Variants in SDCCAG8 observed in about 807,000 individuals in gnomAD.
The protein encoded by SDCCAG8 is SHH signaling and ciliogenesis regulator SDCCAG8.
SDCCAG8 carries 74 observed loss-of-function variants against 101.8 expected under a neutral mutation model. The observed-to-expected ratio is 0.73, with a 90% CI of 0.60 to 0.88. The LOEUF is 0.88. Ranked by LOEUF, SDCCAG8 falls within the 40% of genes least tolerant of loss-of-function variation. SDCCAG8 has a pLI of 0.00. For missense variants in SDCCAG8, 787 were observed against 822.6 expected, an observed-to-expected ratio of 0.96 and a Z score of 0.53; for synonymous variants, 281 against 292.9, an observed-to-expected ratio of 0.96 and a Z score of 0.41.
intron 9 of SDCCAG8, among the ~76,000 whole-genome samples, chr1:243,322,300 G>C (rs2073820508): frequency 6.6e-6 from 1 of 152,216 alleles, no homozygotes; most frequent in Non-Finnish European, 1.5e-5. Flanking sequence ...TTTCTAAGTA[G>C]CCCCAGGTGA....
Position 243,458,070 on chromosome 1 carries a change from C to T in SDCCAG8, c.1986-30944C>T, listed in dbSNP as rs1359899433. Among the ~76,000 whole-genome samples, 3 of 152,338 alleles carry T rather than the reference C, an allele frequency of 2.0e-5. No individual in the cohort carries two copies. Among genetic ancestry groups the T allele is most frequent in the Non-Finnish European group, 4.4e-5 (3 of 68,036 alleles). On this transcript the variant is annotated intron_variant, in intron 16 of 17. Coordinates refer to ENST00000366541, the MANE Select transcript of SDCCAG8 (RefSeq NM_006642.5). This position sits in a 1 kb window ranked among gnomAD's most constrained non-coding sequence, Gnocchi z 4.5. ...GACCCATCCCAAAATGACGAAGACA[C>T]AAGATACAGTTCTGTCCTCATCTTG...
Position 243,270,975 on chromosome 1 carries a change from T to C in SDCCAG8, c.221-3T>C, listed in dbSNP as rs754235623. 2 of 1,609,146 alleles carry C rather than the reference T, an allele frequency of 1.2e-6. No homozygotes were observed. Among genetic ancestry groups the C allele is most frequent in the East Asian group, 4.5e-5 (2 of 44,786 alleles). On this transcript the variant is annotated splice_polypyrimidine_tract_variant and splice_region_variant and intron_variant, in intron 2 of 17. Transcript: ENST00000366541. ...TAATAAACCCTCTGCTTTTGCTCTA[T>C]AGTTAATCAGCTCAAAGATTTGTTG...
chr1:243,433,400 G>A (rs1049097271), intron 16 of SDCCAG8, among the ~76,000 whole-genome samples: 4 of 151,578 alleles, frequency 2.6e-5, no homozygotes, highest in Non-Finnish European at 5.9e-5. Flanking sequence ...GCACTCTCGT[G>A]GCTGCAGACT....
At chr1:243,415,680 A>G (rs2080525545) in intron 13 of SDCCAG8, 22 bp from the exon 14 acceptor site, 3 of 1,613,488 alleles carry the variant, frequency 1.9e-6, no homozygotes, top group Non-Finnish European at 2.5e-6. Flanking sequence ...AAATTTCTGT[A>G]TGTCTCCTCT....
chr1:243,304,809 CA>C, intron 7 of SDCCAG8, 32 bp downstream of exon 7: 1 of 1,225,586 alleles, frequency 8.2e-7, no homozygotes, highest in Non-Finnish European at 1.2e-6. Flanking sequence ...ATAGTCATAC[CA>C]AAAGCATAAT....
At chr1:243,304,838 G>T in intron 7 of SDCCAG8, 61 bp downstream of exon 7, 1 of 1,000,150 alleles carries the variant, frequency 1.0e-6, no homozygotes, top group South Asian at 1.3e-5. Flanking sequence ...AAATATATTT[G>T]AATGTTTGCT....
rs373728150 is a variant in SDCCAG8, at chr1:243,479,828, C to T, written c.1986-9186C>T. 3.9e-5 allele frequency among the ~76,000 whole-genome samples: 6 copies of T among 152,030 alleles called. No individual in the cohort carries two copies. The South Asian group carries it at 6.2e-4, about 16-fold the overall frequency. ...AATTATTCTCCAGAAGAACTCATTT[C>T]GTATGTGTGATTAATACTGTGAATT... On this transcript the variant is annotated intron_variant, in intron 16 of 17. Transcript: ENST00000366541.
chr1:243,328,261 GT>G (rs1041312387), intron 9 of SDCCAG8, among the ~76,000 whole-genome samples: 1 of 150,716 alleles, frequency 6.6e-6, no homozygotes, highest in Non-Finnish European at 1.5e-5. Context: ...TCAGTAACCA[GT>G]TTTTTGTTTG....
chr1:243,286,156 T>A, intron 4 of SDCCAG8, 116 bp from the exon 5 acceptor site: 2 of 1,066,930 alleles, frequency 1.9e-6, no homozygotes, highest in Non-Finnish European at 2.9e-6. Flanking sequence ...TAATTATATT[T>A]CAGGAAAAGG....
intron 10 of SDCCAG8, among the ~76,000 whole-genome samples, chr1:243,336,646 G>A (rs901626861): frequency 2.0e-5 from 3 of 152,070 alleles, no homozygotes; most frequent in South Asian, 4.1e-4. Context: ...GGGGGAAACT[G>A]CCCCGACGAT....
Position 243,316,811 on chromosome 1 carries a change from C to G in SDCCAG8, c.986C>G (p.Thr329Arg). The G allele has an allele frequency of 1.2e-6, 2 of 1,614,022 alleles. No individual in the cohort carries two copies. The highest frequency in any genetic ancestry group is 2.2e-5 in the East Asian group (1 of 44,882). The change falls in exon 9 of 18, where the codon ACG becomes AGG. Residue 329 changes from threonine to arginine, a missense_variant. Transcript: ENST00000366541. ...TCCGTAAGGAGCAGCTTGGCAGATA[C>G]GCAGCAAAGAGAAGCAAGTGCTTAT... is the stretch of plus-strand genomic sequence containing the variant. ...LVSVRSSLAD[T>R]QQREASAYEQ...
chr1:243,302,083 A>G (rs1285267836), intron 6 of SDCCAG8, among the ~76,000 whole-genome samples: 1 of 152,148 alleles, frequency 6.6e-6, no homozygotes, highest in African/African-American at 2.4e-5. Flanking sequence ...CCCTGTCCCT[A>G]CTAAAAATAC....
intron 8 of SDCCAG8, among the ~76,000 whole-genome samples, chr1:243,315,159 G>A (rs1192335704): frequency 6.6e-6 from 1 of 152,164 alleles, no homozygotes; most frequent in African/African-American, 2.4e-5. Flanking sequence ...ATATTGACTT[G>A]CTGTCCTTAA....
chr1:243,338,691 T>C (rs2075180751), intron 10 of SDCCAG8: 1 of 152,238 alleles, frequency 6.6e-6, no homozygotes, highest in Non-Finnish European at 1.5e-5. Flanking sequence ...TTAATTCTTG[T>C]ATCTCTTGCA....
chr1:243,441,708 A>G (rs963237508), intron 16 of SDCCAG8, among the ~76,000 whole-genome samples: 1 of 152,246 alleles, frequency 6.6e-6, no homozygotes, highest in East Asian at 1.9e-4. Context: ...GATATATCAT[A>G]CAGACTTTGG....
At chr1:243,358,168 A>G (rs2076495998) in intron 12 of SDCCAG8, among the ~76,000 whole-genome samples, 1 of 152,162 alleles carries the variant, frequency 6.6e-6, no homozygotes, top group South Asian at 2.1e-4. Context: ...ACAGAACGGG[A>G]GAAAATTTTT....
At chr1:243,353,217 G>A (rs951818669) in intron 12 of SDCCAG8, among the ~76,000 whole-genome samples, 4 of 151,946 alleles carry the variant, frequency 2.6e-5, no homozygotes, top group African/African-American at 4.8e-5. Flanking sequence ...AGGGCCAGCC[G>A]TGGTGGCTCA....
intron 12 of SDCCAG8, among the ~76,000 whole-genome samples, chr1:243,369,635 AG>A (rs2077177221): frequency 1.3e-5 from 2 of 152,180 alleles, no homozygotes; most frequent in Non-Finnish European, 2.9e-5. Flanking sequence ...ACTCAAGAGC[AG>A]AAACAGGGGA....
At position 243,274,607 on chromosome 1, in the gene SDCCAG8, A is replaced by G. The variant is rs1484553079; in HGVS notation, c.371A>G (p.Asp124Gly). 3 of 1,611,732 alleles carry G rather than the reference A, an allele frequency of 1.9e-6. No individual in the cohort carries two copies. The highest frequency in any genetic ancestry group is 1.7e-6 in the Non-Finnish European group (2 of 1,178,378). Residue 124 changes from aspartate to glycine, a missense_variant, in exon 4 of 18, where the codon GAC becomes GGC. Physicochemically the swap from Asp to Gly is moderately conservative, Grantham distance 94 (BLOSUM62 -1). Coordinates refer to ENST00000366541, the MANE Select transcript of SDCCAG8 (RefSeq NM_006642.5). ...CACGACCTTGTTCATACTATTAATG[A>G]CCAGTCTCAATATATTCATCATTTA... ...TMHDLVHTIN[D>G]QSQYIHHLEA...
Sources: allele counts gnomAD v4.1 joint callset (sites outside exome capture counted in the v4.1 genomes callset), GRCh38; gene constraint gnomAD v4.1.1; non-coding constraint Gnocchi (gnomAD v3.1); transcripts MANE v1.5; gene names NCBI Gene and HGNC (gene_info 2026-07-23, HGNC 2026-07-21).